MGAM: variants seen among roughly 807,000 people sequenced by gnomAD.
MGAM encodes maltase-glucoamylase.
In MGAM, 253 loss-of-function variants were observed where a neutral mutation model predicts 358.8. That is an observed-to-expected ratio of 0.71 (90% CI 0.64 to 0.78). The LOEUF is 0.78. MGAM is among the 30% of genes least tolerant of loss of function. The probability of loss-of-function intolerance (pLI) is 0.00; values close to 1 mark genes in which losing one functional copy is unlikely to be tolerated. For synonymous variants in MGAM, 1,105 were observed against 1,227.1 expected (o/e 0.90, Z 2.08); for missense variants, 3,080 against 3,432.6 (o/e 0.90, Z 2.57).
At chr7:142,071,695 G>C (rs1480366779) in intron 44 of MGAM, among the ~76,000 whole-genome samples, 1 of 145,458 alleles carries the variant, frequency 6.9e-6, no homozygotes, top group Admixed American at 6.9e-5. Flanking sequence ...TTTTAGGAGG[G>C]TCAGGATCCA....
intron 3 of MGAM, among the ~76,000 whole-genome samples, chr7:142,011,065 G>A (rs1358304): frequency 0.55 from 82,906 of 152,046 alleles, 23,024 homozygotes; most frequent in East Asian, 0.78. Flanking sequence ...GGCAGGTTAC[G>A]TGCTTAAAGA....
Position 142,076,199 on chromosome 7 carries a change from T to G in MGAM, c.5276-4T>G, listed in dbSNP as rs371346349. On this transcript the variant is annotated splice_region_variant and splice_polypyrimidine_tract_variant and intron_variant, in intron 45 of 70. Coordinates refer to ENST00000475668, the MANE Select transcript of MGAM (RefSeq NM_001365693.1). ...AGTCTGACTTGTCTTTCTGTCACTT[T>G]CAGATACTGTGGCCAAGAAAGTATA... 4.5e-6 allele frequency: 7 copies of G among 1,544,682 alleles called. 1 individual carries two copies. In the African/African-American group the frequency reaches 6.7e-5, roughly 15 times the overall value.
intron 1 of MGAM, among the ~76,000 whole-genome samples, chr7:142,004,126 G>A (rs1344755916): frequency 6.6e-6 from 1 of 151,862 alleles, no homozygotes; most frequent in Non-Finnish European, 1.5e-5. Flanking sequence ...TATAGAAAAT[G>A]GTATGGAGAT....
At chr7:142,059,987 C>T in intron 33 of MGAM, 21 bp downstream of exon 33, 2 of 1,573,530 alleles carry the variant, frequency 1.3e-6, no homozygotes, top group South Asian at 1.2e-5. Context: ...AAGCGATGAT[C>T]CACTAGTCCC....
At chr7:142,079,737 T>G (rs1814078192) in intron 49 of MGAM, among the ~76,000 whole-genome samples, 1 of 146,484 alleles carries the variant, frequency 6.8e-6, no homozygotes, top group African/African-American at 2.4e-5. Flanking sequence ...GTTAGTGCTG[T>G]AATGTAATTG....
At chr7:142,050,416 AT>A in intron 23 of MGAM, 132 bp downstream of exon 23, 1 of 1,143,722 alleles carries the variant, frequency 8.7e-7, no homozygotes, top group Non-Finnish European at 1.3e-6. Flanking sequence ...AGGTGAGTAC[AT>A]TTCTATTTAT....
chr7:142,027,754 A>C lies in MGAM; in HGVS notation c.1221+19A>C. 1 of 1,535,766 alleles carries C rather than the reference A, an allele frequency of 6.5e-7. No individual in the cohort carries two copies. ...CCCTTATGTAAGCAAGGTTTTCAAC[A>C]GTTCTCCAAAAGTAAAGAAATTCCC... On this transcript the variant is annotated intron_variant, in intron 10 of 70. Transcript: ENST00000475668.
At chr7:142,083,665 G>A (rs79898500) in intron 53 of MGAM, among the ~76,000 whole-genome samples, 1,960 of 145,788 alleles carry the variant, frequency 0.013, 161 homozygotes, top group South Asian at 0.084. Context: ...TGGTGGTGGT[G>A]GTATTTGTGG....
Position 142,064,512 on chromosome 7 carries a change from C to A in MGAM, c.4474C>A (p.Pro1492Thr). Residue 1492 changes from proline to threonine, a missense_variant, in exon 37 of 71, where the codon CCC (proline) becomes ACC (threonine). Around this residue, in one of 5 missense-constraint regions of MGAM, gnomAD observed 134 missense variants for 198.4 expected, o/e 0.68. Coordinates refer to ENST00000475668, the MANE Select transcript of MGAM (RefSeq NM_001365693.1). ...HNLYGWSQTR[P>T]TYEAVQEVTG... ...CCTGTATGGGTGGTCCCAGACCAGA[C>A]CCACATACGAGTGAGTCTCCGTCTC... 1 of 1,574,494 alleles carries A rather than the reference C, an allele frequency of 6.4e-7. No individual in the cohort carries two copies. Among genetic ancestry groups the A allele is most frequent in the Non-Finnish European group, 8.6e-7 (1 of 1,160,050 alleles).
rs1810866559 is a variant in MGAM at position 142,050,727 on chromosome 7, A to C, written c.2668A>C (p.Thr890Pro). 6.2e-7 allele frequency: 1 copy of C among 1,613,758 alleles called. No homozygotes were observed. The highest frequency in any genetic ancestry group is 1.1e-5 in the South Asian group (1 of 91,062). The change falls in exon 24 of 71, where the codon ACC (threonine) becomes CCC (proline). Residue 890 changes from threonine (T) to proline (P), a missense_variant. By Grantham distance (38) the Thr-to-Pro change is conservative (BLOSUM62 -1). Coordinates refer to ENST00000475668, the MANE Select transcript of MGAM (RefSeq NM_001365693.1). ...CTTGGAGGTGAATATTTCACAATCA[A>C]CCTACAAGGACCCCAATAATTTAGC... is the stretch of plus-strand genomic sequence containing the variant. ...NRLEVNISQS[T>P]YKDPNNLAFN...
At chr7:142,030,791 G>C in intron 12 of MGAM, 34 bp downstream of exon 12, 1 of 1,352,316 alleles carries the variant, frequency 7.4e-7, no homozygotes. Flanking sequence ...GCTGGTGGAG[G>C]GGCTGCATAG....
rs756020077 is a variant in MGAM at position 142,066,706 on chromosome 7, G to A, written c.4904G>A (p.Arg1635Gln). Reference sequence around the variant, plus strand: ...CACACGGAGGGCGTCACTGTTGTGCGGCCTCTGCTCCATGAGTGAGTGTCC... The same window carrying A: ...CACACGGAGGGCGTCACTGTTGTGCAGCCTCTGCTCCATGAGTGAGTGTCC... ...KAHTEGVTVVRPLLHEFVSDQ... is the reference protein window; with the variant it reads ...KAHTEGVTVVQPLLHEFVSDQ... Residue 1635 changes from arginine (R) to glutamine (Q), a missense_variant, in exon 41 of 71, where the codon CGG becomes CAG. By Grantham distance (43) the Arg-to-Gln change is conservative. Around this residue, in one of 5 missense-constraint regions of MGAM, gnomAD observed 134 missense variants for 198.4 expected, o/e 0.68. Transcript: ENST00000475668. The A allele has an allele frequency of 1.5e-5, 23 of 1,555,242 alleles. 3 individuals are homozygous for A. The highest frequency in any genetic ancestry group is 2.3e-5 in the East Asian group (1 of 43,944).
At chr7:142,042,885 A>G (rs1178445980) in intron 21 of MGAM, among the ~76,000 whole-genome samples, 1 of 47,208 alleles carries the variant, frequency 2.1e-5, no homozygotes, top group East Asian at 6.1e-4. Context: ...ATATATACAT[A>G]TAATATCTAA....
chr7:142,000,882 T>C (rs1257251021), intron 1 of MGAM, among the ~76,000 whole-genome samples: 2 of 152,186 alleles, frequency 1.3e-5, no homozygotes, highest in Non-Finnish European at 2.9e-5. Context: ...TGTTTCTTCA[T>C]AGTGTCTAAC....
chr7:142,041,914 TACGTATAATATATA>T (rs1563144462), intron 21 of MGAM, among the ~76,000 whole-genome samples: 6 of 23,346 alleles, frequency 2.6e-4, no homozygotes, highest in Non-Finnish European at 3.0e-4. Context: ...ATTATATATA[TACGTATAATATATA>T]ATATATATAT....
intron 38 of MGAM, 44 bp downstream of exon 38, chr7:142,065,512 G>A (rs1285157519): frequency 6.2e-7 from 1 of 1,613,856 alleles, no homozygotes; most frequent in African/African-American, 1.3e-5. Flanking sequence ...AGGGCAGGGA[G>A]TTGGGATCCT....
Position 142,084,509 on chromosome 7 carries a change from T to C in MGAM, c.6382-10T>C. The C allele has an allele frequency of 1.9e-6, 3 of 1,554,736 alleles. 1 individual carries two copies. The highest frequency in any genetic ancestry group is 2.7e-6 in the Non-Finnish European group (3 of 1,131,580). On this transcript the variant is annotated splice_polypyrimidine_tract_variant and intron_variant, in intron 53 of 70. Transcript: ENST00000475668. ...GTTCTGAGGACTAATATTTTCTGTC[T>C]ATTTTCTAGTTGATTGGCCGGCCTG...
At chr7:142,031,490 G>A (rs187030422) in intron 12 of MGAM, among the ~76,000 whole-genome samples, 190 bp from the exon 13 acceptor site, 3 of 152,216 alleles carry the variant, frequency 2.0e-5, no homozygotes, top group Admixed American at 2.0e-4. Context: ...TTTTTTAAAT[G>A]CATATTTCTT....
At chr7:142,045,721 T>C (rs1226250602) in intron 21 of MGAM, among the ~76,000 whole-genome samples, 1 of 82,032 alleles carries the variant, frequency 1.2e-5, no homozygotes, top group Non-Finnish European at 2.3e-5. Flanking sequence ...ATATATAATA[T>C]ATACATACAA....
Sources: allele counts gnomAD v4.1 joint callset (sites outside exome capture counted in the v4.1 genomes callset), GRCh38; gene constraint gnomAD v4.1.1; regional missense constraint gnomAD v4.1.1; transcripts MANE v1.5; gene names NCBI Gene and HGNC (gene_info 2026-07-23, HGNC 2026-07-21).